Variants in GRIK2 observed in about 807,000 individuals in gnomAD.
GRIK2 encodes glutamate ionotropic receptor kainate type subunit 2, also known as glutamate receptor ionotropic, kainate 2.
A neutral mutation model predicts 100.3 loss-of-function variants in GRIK2; 32 were observed. The ratio of observed to expected loss-of-function variants is 0.32; its 90% confidence interval spans 0.24 to 0.43. The LOEUF (loss-of-function observed/expected upper bound fraction) is 0.43. GRIK2 is among the 20% of genes least tolerant of loss of function. The pLI is 1.00. For missense variants in GRIK2, 843 were observed against 1,114.9 expected (o/e 0.76, Z 3.47); for synonymous variants, 417 against 389.4 (o/e 1.07, Z -0.83).
intron 15 of GRIK2, among the ~76,000 whole-genome samples, chr6:102,047,549 A>T (rs1052803372): frequency 2.6e-5 from 4 of 152,036 alleles, no homozygotes; most frequent in Non-Finnish European, 5.9e-5. Context: ...GGAGTTCGAG[A>T]CCAGCCTGGC....
chr6:101,499,417 CTTTA>C (rs1311386129), intron 2 of GRIK2, among the ~76,000 whole-genome samples: 2 of 151,910 alleles, frequency 1.3e-5, no homozygotes, highest in Admixed American at 6.6e-5. Context: ...TAACATAAGG[CTTTA>C]TTTGTTTTAG....
chr6:102,055,642 A>G, intron 16 of GRIK2, 62 bp downstream of exon 16: 1 of 1,242,692 alleles, frequency 8.0e-7, no homozygotes, highest in Non-Finnish European at 1.2e-6. Context: ...TAAAACACAA[A>G]CCAAAAGAGT....
In GRIK2 at chr6:101,781,956, A is replaced by G. The variant is rs150907978; in HGVS notation, c.952-17692A>G. Among the ~76,000 whole-genome samples, 98 of 152,210 alleles carry G rather than the reference A, an allele frequency of 6.4e-4. 4 individuals are homozygous for G. The East Asian group carries it at 0.016, about 25-fold the overall frequency. On this transcript the variant is annotated intron_variant, in intron 7 of 16. Transcript: ENST00000369134. The stretch of plus-strand genomic sequence containing the variant: ...CCCTCTCCTAGGTTTTGGACACCCA[A>G]CTTCTCGTTCCATCTTCCTATGACA...
At chr6:101,697,434 C>T (rs1772573576) in intron 7 of GRIK2, among the ~76,000 whole-genome samples, 1 of 151,120 alleles carries the variant, frequency 6.6e-6, no homozygotes, top group Admixed American at 6.6e-5. Flanking sequence ...AACTTGAATC[C>T]AGTAGTCTTC....
intron 2 of GRIK2, among the ~76,000 whole-genome samples, chr6:101,436,244 G>T (rs183431634): frequency 3.3e-5 from 5 of 152,162 alleles, no homozygotes; most frequent in Non-Finnish European, 5.9e-5. Flanking sequence ...TAAATAGGCA[G>T]TAAGTTCAAG....
chr6:101,665,304 G>A (rs1429704840), intron 4 of GRIK2, among the ~76,000 whole-genome samples: 2 of 152,108 alleles, frequency 1.3e-5, no homozygotes, highest in South Asian at 4.1e-4. Flanking sequence ...ACACCACCTA[G>A]TAGGACTGCA....
At chr6:101,548,019 G>A (rs530667343) in intron 2 of GRIK2, among the ~76,000 whole-genome samples, 445 of 152,024 alleles carry the variant, frequency 2.9e-3, no homozygotes, top group African/African-American at 9.9e-3. Flanking sequence ...ATTCTAACTG[G>A]TGTGAGATGG....
chr6:101,460,960 C>G (rs1399386627), intron 2 of GRIK2, among the ~76,000 whole-genome samples: 9 of 152,080 alleles, frequency 5.9e-5, no homozygotes, highest in Non-Finnish European at 7.3e-5. Flanking sequence ...AGTATTTTAA[C>G]AGCATACTTT....
chr6:101,787,260 C>T (rs1462484119), intron 7 of GRIK2, among the ~76,000 whole-genome samples: 3 of 150,868 alleles, frequency 2.0e-5, no homozygotes, highest in Non-Finnish European at 1.5e-5. Context: ...AAAGACTTTT[C>T]ATTTCAATAA....
At chr6:101,430,463 C>T (rs1376574227) in intron 2 of GRIK2, 5 of 216,208 alleles carry the variant, frequency 2.3e-5, no homozygotes, top group African/African-American at 9.3e-5. Flanking sequence ...CAGCATGGAG[C>T]TTCTGATCCA....
chr6:101,933,724 A>G (rs569693527), intron 14 of GRIK2, among the ~76,000 whole-genome samples: 145 of 152,054 alleles, frequency 9.5e-4, no homozygotes, highest in Non-Finnish European at 1.8e-3. Context: ...TGGAAAACAT[A>G]TGACAGAGGC....
intron 7 of GRIK2, among the ~76,000 whole-genome samples, chr6:101,743,643 T>C (rs1210446491): frequency 6.6e-6 from 1 of 152,156 alleles, no homozygotes; most frequent in Non-Finnish European, 1.5e-5. Context: ...TGTATTCTCC[T>C]TCTGGTCTTT....
intron 2 of GRIK2, among the ~76,000 whole-genome samples, chr6:101,533,741 C>CT (rs765945758): frequency 3.3e-5 from 5 of 151,862 alleles, no homozygotes; most frequent in Non-Finnish European, 5.9e-5. Context: ...ATGTAAGTGC[C>CT]TAGGTACAAG....
At chr6:101,982,031 C>T (rs548123849) in intron 14 of GRIK2, among the ~76,000 whole-genome samples, 5 of 151,932 alleles carry the variant, frequency 3.3e-5, no homozygotes, top group Non-Finnish European at 7.4e-5. Flanking sequence ...AATAATTAGT[C>T]CCTGCCAGGC....
intron 2 of GRIK2, among the ~76,000 whole-genome samples, chr6:101,409,144 G>C (rs1468386408): frequency 7.0e-6 from 1 of 143,604 alleles, no homozygotes; most frequent in Non-Finnish European, 1.5e-5. Context: ...GTGTGTGTGT[G>C]TGTGTGTGTA....
intron 12 of GRIK2, among the ~76,000 whole-genome samples, chr6:101,915,242 A>T (rs2128467089): frequency 6.6e-6 from 1 of 151,558 alleles, no homozygotes; most frequent in Admixed American, 6.6e-5. Flanking sequence ...TAACAACAGA[A>T]GATGTATAAT....
At chr6:101,910,839 C>CACACACACACACACACACA (rs1554284826) in intron 12 of GRIK2, among the ~76,000 whole-genome samples, 13 of 143,364 alleles carry the variant, frequency 9.1e-5, no homozygotes, top group Admixed American at 2.1e-4. Flanking sequence ...CCAACATACA[C>CACACACACACACACACACA]CACACACACA....
intron 4 of GRIK2, among the ~76,000 whole-genome samples, chr6:101,668,071 A>G (rs777567684): frequency 6.6e-6 from 1 of 152,238 alleles, no homozygotes; most frequent in Non-Finnish European, 1.5e-5. Flanking sequence ...CAAAGAAAGA[A>G]GGCAATATCT....
chr6:101,553,669 C>T (rs1776613179), intron 2 of GRIK2, among the ~76,000 whole-genome samples: 1 of 152,062 alleles, frequency 6.6e-6, no homozygotes, highest in African/African-American at 2.4e-5. Flanking sequence ...GTCAAAGTTT[C>T]CTTCTTTGTA....
Sources: gnomAD v4.1 joint callset for allele counts (sites outside exome capture counted in the v4.1 genomes callset) on GRCh38, gnomAD v4.1.1 for gene constraint, MANE v1.5 for transcripts, NCBI Gene and HGNC (gene_info 2026-07-23, HGNC 2026-07-21) for gene names.